The following KCNMA1 variants were observed in gnomAD, a reference collection of about 807,000 sequenced individuals.
KCNMA1 encodes the protein Calcium-activated potassium channel subunit alpha-1.
In KCNMA1, 29 loss-of-function variants were observed where a neutral mutation model predicts 140.0. The observed-to-expected ratio is 0.21, with a 90% CI of 0.15 to 0.28. The LOEUF (loss-of-function observed/expected upper bound fraction) is 0.28, where lower values mean the gene tolerates loss of function less well. Among genes scored for constraint, KCNMA1 ranks in the 10% least tolerant of loss-of-function variants. The pLI is 1.00. For synonymous variants in KCNMA1, 612 were observed against 611.9 expected (o/e 1.00, Z 0.00); for missense variants, 880 against 1,602.2 (o/e 0.55, Z 7.70).
chr10:76,961,003 C>A (rs1473929716), intron 20 of KCNMA1, among the ~76,000 whole-genome samples: 1 of 151,816 alleles, frequency 6.6e-6, no homozygotes, highest in African/African-American at 2.4e-5. Context: ...GAACAACTAC[C>A]ATTCTGTAGC....
chr10:77,395,435 A>G (rs2096013258), intron 2 of KCNMA1, among the ~76,000 whole-genome samples: 1 of 152,242 alleles, frequency 6.6e-6, no homozygotes, highest in Admixed American at 6.5e-5. Flanking sequence ...CCCACAGGCT[A>G]TAACTAACTG....
At chr10:77,158,394 T>C (rs2098513974) in intron 5 of KCNMA1, among the ~76,000 whole-genome samples, 1 of 152,162 alleles carries the variant, frequency 6.6e-6, no homozygotes, top group African/African-American at 2.4e-5. Context: ...AGCTTGTTGC[T>C]CAAGGTCAAG....
chr10:77,360,327 A>G (rs2093838185), intron 2 of KCNMA1, among the ~76,000 whole-genome samples: 1 of 152,240 alleles, frequency 6.6e-6, no homozygotes. Context: ...GAAGCCTGGC[A>G]AGAGGCAGGT....
At chr10:77,534,911 C>A (rs80058825) in intron 1 of KCNMA1, among the ~76,000 whole-genome samples, 4,674 of 152,248 alleles carry the variant, frequency 0.031, 263 homozygotes, top group African/African-American at 0.11. Flanking sequence ...CTAAAACCTA[C>A]ACCCTGTACC....
At chr10:77,559,441 C>T (rs1398133274) in intron 1 of KCNMA1, among the ~76,000 whole-genome samples, 1 of 152,178 alleles carries the variant, frequency 6.6e-6, no homozygotes, top group Non-Finnish European at 1.5e-5. Flanking sequence ...ATATCCTCCC[C>T]ACACGGGCCC....
intron 2 of KCNMA1, among the ~76,000 whole-genome samples, chr10:77,266,110 AT>A (rs2063370993): frequency 6.6e-6 from 1 of 151,608 alleles, no homozygotes; most frequent in African/African-American, 2.4e-5. Flanking sequence ...GTAGGCTTAG[AT>A]TTCTGAAAAC....
At chr10:77,061,239 C>T (rs536919920) in intron 14 of KCNMA1, among the ~76,000 whole-genome samples, 80 of 152,092 alleles carry the variant, frequency 5.3e-4, no homozygotes, top group African/African-American at 1.9e-3. Context: ...AATGAAAACA[C>T]AAGCTACAGA....
chr10:77,059,420 A>G (rs1488729925), intron 14 of KCNMA1, among the ~76,000 whole-genome samples: 1 of 152,110 alleles, frequency 6.6e-6, no homozygotes, highest in Non-Finnish European at 1.5e-5. Flanking sequence ...AAACTAATAT[A>G]CACCAAAAAA....
At chr10:77,467,353 C>A (rs543654060) in intron 1 of KCNMA1, among the ~76,000 whole-genome samples, 1 of 152,272 alleles carries the variant, frequency 6.6e-6, no homozygotes, top group African/African-American at 2.4e-5. Flanking sequence ...ATGGAAAGTC[C>A]GTCTCCGAAG....
intron 2 of KCNMA1, among the ~76,000 whole-genome samples, chr10:77,271,365 C>G (rs373153594): frequency 6.6e-6 from 1 of 152,226 alleles, no homozygotes; most frequent in East Asian, 1.9e-4. Context: ...TTCTGCTGGT[C>G]CAGGCTAGAG....
At chr10:77,168,443 C>T (rs1299389450) in intron 5 of KCNMA1, among the ~76,000 whole-genome samples, 1 of 152,178 alleles carries the variant, frequency 6.6e-6, no homozygotes, top group Non-Finnish European at 1.5e-5. Context: ...CTCCTACACA[C>T]CTAGGCTATA....
intron 20 of KCNMA1, among the ~76,000 whole-genome samples, chr10:76,954,412 G>T (rs558236524): frequency 2.0e-5 from 3 of 152,262 alleles, no homozygotes; most frequent in South Asian, 2.1e-4. Flanking sequence ...CCAATTACTC[G>T]CTCCTTCTGA....
chr10:77,190,546 G>T (rs534830815), intron 3 of KCNMA1, among the ~76,000 whole-genome samples: 1 of 152,118 alleles, frequency 6.6e-6, no homozygotes, highest in African/African-American at 2.4e-5. Flanking sequence ...ACAGAGCCTC[G>T]CCTGGGGCTC....
chr10:77,033,916 G>C (rs913088636), intron 15 of KCNMA1, among the ~76,000 whole-genome samples: 9 of 152,134 alleles, frequency 5.9e-5, no homozygotes, highest in Admixed American at 2.0e-4. Flanking sequence ...TGGATGAATA[G>C]AGCCAGTTCT....
Position 77,403,988 on chromosome 10 carries a change from C to G in KCNMA1, c.414G>C (p.Ala138=). The stretch of plus-strand genomic sequence containing the variant: ...CATCCACTGGTTTGAGAGTGCCATC[C>G]GCCTGGCTTGAGCCATTGTTAATCT... ...AQKINNGSSQ[A]DGTLKPVDEK... Residue 138 remains alanine, a synonymous_variant, in exon 2 of 28, where the codon GCG becomes GCC. Coordinates refer to ENST00000286628, the MANE Select transcript of KCNMA1 (RefSeq NM_001161352.2). 6.2e-7 allele frequency: 1 copy of G among 1,614,148 alleles called. No individual in the cohort carries two copies. The highest frequency in any genetic ancestry group is 8.5e-7 in the Non-Finnish European group (1 of 1,180,036).
intron 20 of KCNMA1, among the ~76,000 whole-genome samples, chr10:76,968,017 G>C (rs988569964): frequency 6.6e-6 from 1 of 151,904 alleles, no homozygotes; most frequent in Non-Finnish European, 1.5e-5. Context: ...AAAGGCCTTC[G>C]GGCAGAAAGT....
chr10:77,120,446 G>A lies in KCNMA1; in HGVS notation c.884+527C>T, dbSNP rs1190710911. On this transcript the variant is annotated intron_variant, in intron 6 of 27. Coordinates refer to ENST00000286628, the MANE Select transcript of KCNMA1 (RefSeq NM_001161352.2). ...ACAGAGAAAGCCCCAAGGGCTATAC[G>A]GATATAAAGTGAACATCTAAAATGT... Among the ~76,000 whole-genome samples, 5 of 152,300 alleles carry A rather than the reference G, an allele frequency of 3.3e-5. No individual in the cohort carries two copies. In the South Asian group the frequency reaches 6.2e-4, roughly 19 times the overall value.
chr10:77,313,033 G>A lies in KCNMA1; in HGVS notation c.541-61777C>T, dbSNP rs1187605429. On this transcript the variant is annotated intron_variant, in intron 2 of 27. Transcript: ENST00000286628. ...GTTCAGGGAGGAACAACAACAAATT[G>A]GACTTCTGAGGACTTCCTGTTGCCA... Among the ~76,000 whole-genome samples the A allele has an allele frequency of 3.3e-5, 5 of 152,118 alleles. 1 individual carries two copies. In the South Asian group the frequency reaches 6.2e-4, roughly 19 times the overall value.
intron 1 of KCNMA1, among the ~76,000 whole-genome samples, chr10:77,472,355 C>A (rs1003687956): frequency 4.0e-5 from 6 of 150,898 alleles, no homozygotes; most frequent in African/African-American, 1.5e-4. Flanking sequence ...CACATACACA[C>A]ACCACACACA....
Sources: allele counts gnomAD v4.1 joint callset (sites outside exome capture counted in the v4.1 genomes callset), GRCh38; gene constraint gnomAD v4.1.1; transcripts MANE v1.5; gene names NCBI Gene and HGNC (gene_info 2026-07-23, HGNC 2026-07-21).